APPL2: variants seen among roughly 807,000 people sequenced by gnomAD.
The protein encoded by APPL2 is adaptor protein, phosphotyrosine interacting with PH domain and leucine zipper 2, also known as DCC-interacting protein 13-beta.
Under a neutral mutation model 92.7 loss-of-function variants are expected in APPL2, and 84 were observed. The ratio of observed to expected loss-of-function variants is 0.91; its 90% CI spans 0.76 to 1.09. APPL2 has a LOEUF of 1.09. Ranked by LOEUF, APPL2 falls within the 50% of genes least tolerant of loss-of-function variation. APPL2 has a pLI of 0.00. For missense variants in APPL2, 736 were observed against 824.5 expected (o/e 0.89, Z 1.31); for synonymous variants, 291 against 291.0 (o/e 1.00, Z 0.00).
intron 17 of APPL2, among the ~76,000 whole-genome samples, chr12:105,180,629 T>C (rs993975001): frequency 1.3e-5 from 2 of 152,224 alleles, no homozygotes; most frequent in South Asian, 4.1e-4. Context: ...GTTTGTGTCC[T>C]CTCTTATTTC....
Position 105,207,216 on chromosome 12 carries a change from A to G in APPL2, c.475-9T>C, listed in dbSNP as rs537086780. 7 of 1,608,582 alleles carry G rather than the reference A, an allele frequency of 4.4e-6. No homozygotes were observed. In the African/African-American group the frequency reaches 9.4e-5, roughly 22 times the overall value. On this transcript the variant is annotated splice_polypyrimidine_tract_variant and intron_variant, in intron 7 of 20. Transcript: ENST00000258530. Reference sequence around the variant, plus strand: ...CCGACTTCGGTCTTCACCTGGTTAAAAGGTGAAAGGAAAACTTCAAGTTGT... The same window carrying G: ...CCGACTTCGGTCTTCACCTGGTTAAGAGGTGAAAGGAAAACTTCAAGTTGT...
intron 14 of APPL2, among the ~76,000 whole-genome samples, chr12:105,190,550 T>C (rs939377045): frequency 6.6e-6 from 1 of 152,240 alleles, no homozygotes; most frequent in Non-Finnish European, 1.5e-5. Flanking sequence ...CTGGCTCTAA[T>C]TTCCCCAAAA....
intron 1 of APPL2, among the ~76,000 whole-genome samples, chr12:105,233,676 G>A (rs1184826293): frequency 6.6e-6 from 1 of 152,242 alleles, no homozygotes; most frequent in Non-Finnish European, 1.5e-5. Context: ...CCCGGTGCTA[G>A]ATAGCTGGGC....
Position 105,214,916 on chromosome 12 carries a change from G to A in APPL2, c.285+2153C>T, listed in dbSNP as rs576328295. Among the ~76,000 whole-genome samples, 12 of 152,288 alleles carry A rather than the reference G, an allele frequency of 7.9e-5. No individual in the cohort carries two copies. In the East Asian group the frequency reaches 2.3e-3, roughly 29 times the overall value. On this transcript the variant is annotated intron_variant, in intron 4 of 20. Coordinates refer to ENST00000258530, the MANE Select transcript of APPL2 (RefSeq NM_018171.5). ...GCCAATAAAAATACCTGAACTGCAG[G>A]GTTTGGAGAGCTTCCAGGTCATTAA...
intron 4 of APPL2, among the ~76,000 whole-genome samples, chr12:105,214,524 G>A (rs759294784): frequency 6.6e-6 from 1 of 152,240 alleles, no homozygotes; most frequent in African/African-American, 2.4e-5. Context: ...ATCTGAGAGA[G>A]AGCCACGCAG....
chr12:105,202,568 A>G (rs1888307336), intron 9 of APPL2, among the ~76,000 whole-genome samples: 1 of 152,238 alleles, frequency 6.6e-6, no homozygotes, highest in African/African-American at 2.4e-5. Context: ...TGAGGGACAG[A>G]GGATACTTTT....
chr12:105,211,553 C>A (rs1889219371), intron 4 of APPL2, among the ~76,000 whole-genome samples: 1 of 152,230 alleles, frequency 6.6e-6, no homozygotes, highest in Admixed American at 6.5e-5. Context: ...AACAGAGTGT[C>A]TGGGCCCACA....
Position 105,235,981 on chromosome 12 carries a change from TC to T in APPL2, c.31del (p.Glu11ArgfsTer13). On this transcript the variant is annotated frameshift_variant, in exon 1 of 21. Coordinates refer to ENST00000258530, the MANE Select transcript of APPL2 (RefSeq NM_018171.5). LOFTEE classifies it high-confidence loss of function. MPAVDKLLLEEALQDSPQTRS... is the reference protein window; with the variant it reads MPAVDKLLLEXALQDSPQTRS... ...TACCTGGGGGCTGTCCTGCAACGCCTCCTCTAGCAGGAGCTTGTCCACGGCG... is the reference window on the plus strand; with the variant it reads ...TACCTGGGGGCTGTCCTGCAACGCCTCTCTAGCAGGAGCTTGTCCACGGCG... The T allele has an allele frequency of 8.0e-7, 1 of 1,253,004 alleles. No individual in the cohort carries two copies. The highest frequency in any genetic ancestry group is 1.0e-6 in the Non-Finnish European group (1 of 990,544). The allele number at this position is 1,253,004 out of a possible 1,614,324, so 77.6% of individuals were successfully genotyped here.
At chr12:105,213,664 T>C (rs926091758) in intron 4 of APPL2, among the ~76,000 whole-genome samples, 3 of 152,236 alleles carry the variant, frequency 2.0e-5, no homozygotes, top group Non-Finnish European at 4.4e-5. Context: ...GCCACATAAA[T>C]TTCTACTTTT....
At chr12:105,186,718 T>TATATC (rs1886754020) in intron 17 of APPL2, among the ~76,000 whole-genome samples, 2 of 131,616 alleles carry the variant, frequency 1.5e-5, no homozygotes, top group African/African-American at 5.9e-5. Context: ...TATCATATCA[T>TATATC]ATATATATCA....
rs1451114019 is a variant in APPL2 at position 105,211,314 on chromosome 12, T to G, written c.289A>C (p.Asn97His). The G allele has an allele frequency of 6.2e-6, 10 of 1,607,930 alleles. No individual in the cohort carries two copies. The highest frequency in any genetic ancestry group is 8.5e-6 in the Non-Finnish European group (10 of 1,174,452). ...HYFSKVVDEL[N>H]LLHTELAKQL... ...TTAGCCAGCTCTGTATGGAGAAGAT[T>G]AAGCTGAAAGAAAGAGAATGGTATT... The change falls in exon 5 of 21, where the codon AAT (asparagine) becomes CAT (histidine). Residue 97 changes from asparagine to histidine, a missense_variant. Transcript: ENST00000258530.
At chr12:105,203,398 C>A (rs530179975) in intron 9 of APPL2, 169 of 339,284 alleles carry the variant, frequency 5.0e-4, no homozygotes, top group African/African-American at 3.3e-3. Context: ...GCTACTGCCA[C>A]GTACTCTCAA....
intron 2 of APPL2, among the ~76,000 whole-genome samples, chr12:105,221,877 G>A (rs755926012): frequency 9.9e-5 from 15 of 152,226 alleles, no homozygotes; most frequent in South Asian, 2.1e-4. Flanking sequence ...TTATCTTTCT[G>A]TAGCACAGAA....
At chr12:105,207,798 G>C (rs1014486601) in intron 7 of APPL2, among the ~76,000 whole-genome samples, 173 bp downstream of exon 7, 5 of 151,806 alleles carry the variant, frequency 3.3e-5, no homozygotes, top group African/African-American at 1.2e-4. Flanking sequence ...TGAAAAGATA[G>C]AATAGAGAAG....
chr12:105,186,628 A>G lies in APPL2; in HGVS notation c.1634+1645T>C, dbSNP rs1486055302. ...TAAATATATATATCATATATATATC[A>G]TATATATCATATATATGATATCGAT... On this transcript the variant is annotated intron_variant, in intron 17 of 20. Coordinates refer to ENST00000258530, the MANE Select transcript of APPL2 (RefSeq NM_018171.5). Among the ~76,000 whole-genome samples the G allele has an allele frequency of 2.8e-3, 49 of 17,528 alleles. 1 individual carries two copies. The highest frequency in any genetic ancestry group is 5.5e-3 in the African/African-American group (47 of 8,618). 11.5% of individuals were successfully genotyped at this position (17,528 alleles called of 152,430 possible). A position where few individuals can be genotyped will look rare whatever the true frequency, so the allele number is the denominator to read the frequency against.
At chr12:105,210,054 G>A (rs995629449) in intron 5 of APPL2, among the ~76,000 whole-genome samples, 23 of 151,992 alleles carry the variant, frequency 1.5e-4, no homozygotes, top group East Asian at 3.9e-4. Context: ...TCCACCTCCC[G>A]GGTTCAAGCG....
intron 20 of APPL2, 40 bp from the exon 21 acceptor site, chr12:105,174,488 T>G (rs756851711): frequency 6.3e-7 from 1 of 1,593,498 alleles, no homozygotes; most frequent in Admixed American, 1.8e-5. Context: ...AAGAAAAGGC[T>G]TAAGATGCAT....
chr12:105,208,475 G>A (rs1196752), intron 5 of APPL2, among the ~76,000 whole-genome samples: 63,018 of 151,984 alleles, frequency 0.41, 14,503 homozygotes, highest in East Asian at 0.65. Flanking sequence ...GCACGCCGGG[G>A]AGGTGGGCTG....
At chr12:105,200,083 C>T (rs373864682) in intron 9 of APPL2, among the ~76,000 whole-genome samples, 338 of 152,244 alleles carry the variant, frequency 2.2e-3, no homozygotes, top group African/African-American at 7.6e-3. Flanking sequence ...ATCCGCCTGC[C>T]TCGGCCTCCC....
Sources: allele counts gnomAD v4.1 joint callset (sites outside exome capture counted in the v4.1 genomes callset), GRCh38; gene constraint gnomAD v4.1.1; transcripts MANE v1.5; gene names NCBI Gene and HGNC (gene_info 2026-07-23, HGNC 2026-07-21).